CUX2: variants seen among roughly 807,000 people sequenced by gnomAD.
The protein encoded by CUX2 is cut like homeobox 2, also known as homeobox protein cut-like 2.
Under a neutral mutation model 144.8 loss-of-function variants are expected in CUX2, and 40 were observed. The ratio of observed to expected loss-of-function variants is 0.28; its 90% CI spans 0.21 to 0.36. CUX2 has a LOEUF of 0.36. CUX2 is among the 10% of genes least tolerant of loss of function. The pLI is 1.00. For synonymous variants in CUX2, 827 were observed against 875.6 expected (o/e 0.94, Z 0.98); for missense variants, 1,615 against 1,994.0 (o/e 0.81, Z 3.62).
At chr12:111,311,590 C>CTTT (rs1391539963) in intron 15 of CUX2, among the ~76,000 whole-genome samples, 8 of 124,722 alleles carry the variant, frequency 6.4e-5, no homozygotes, top group East Asian at 7.8e-4. Context: ...TACCCTATTT[C>CTTT]TTTATTATTA....
chr12:111,309,854 A>T (rs1886791234), intron 14 of CUX2, among the ~76,000 whole-genome samples, 187 bp from the exon 15 acceptor site: 1 of 132,490 alleles, frequency 7.5e-6, no homozygotes, highest in South Asian at 2.5e-4. Flanking sequence ...TCTTTCTCTC[A>T]CATGTGGTCT....
rs1359871369 is a variant in CUX2, at chr12:111,186,455, G to A, written c.64-27745G>A. 6.6e-6 allele frequency among the ~76,000 whole-genome samples: 1 copy of A among 152,226 alleles called. No homozygotes were observed. The highest frequency in any genetic ancestry group is 1.5e-5 in the Non-Finnish European group (1 of 68,036). ...AGACCCGAAGCATAAACTAGGCGGG[G>A]AACAGGGGAGCGGGAAGGGCACACG... is the stretch of plus-strand genomic sequence containing the variant. On this transcript the variant is annotated intron_variant, in intron 1 of 21. Coordinates refer to ENST00000261726, the MANE Select transcript of CUX2 (RefSeq NM_015267.4). This position sits in a 1 kb window ranked among gnomAD's most constrained non-coding sequence, Gnocchi z 4.4.
At chr12:111,065,137 C>T (rs1360478543) in intron 1 of CUX2, among the ~76,000 whole-genome samples, 1 of 152,172 alleles carries the variant, frequency 6.6e-6, no homozygotes, top group African/African-American at 2.4e-5. Context: ...TTCTATGTGA[C>T]CAGGATTGAC....
chr12:111,295,399 CCTA>C lies in CUX2; in HGVS notation c.629_631del (p.Leu210del). Reference sequence around the variant, plus strand: ...GGGAGGCAGAGGAGAAAATCAAAGTCCTACATTCAGGTATGTGTCGGCACCATG... The same window carrying C: ...GGGAGGCAGAGGAGAAAATCAAAGTCCATTCAGGTATGTGTCGGCACCATG... On this transcript the variant is annotated inframe_deletion, in exon 7 of 22. Transcript: ENST00000261726. This position sits in a 1 kb window ranked among gnomAD's most constrained non-coding sequence, Gnocchi z 5.0. 1 of 1,612,008 alleles carries C rather than the reference CCTA, an allele frequency of 6.2e-7. No individual in the cohort carries two copies. The highest frequency in any genetic ancestry group is 1.1e-5 in the South Asian group (1 of 90,398).
At chr12:111,326,469 GT>G (rs1410793358) in intron 18 of CUX2, among the ~76,000 whole-genome samples, 5 of 149,692 alleles carry the variant, frequency 3.3e-5, no homozygotes, top group Admixed American at 3.3e-4. Context: ...GGTTGGTTTT[GT>G]TTTATAGTGT....
chr12:111,086,924 A>G (rs1198823597), intron 1 of CUX2, among the ~76,000 whole-genome samples: 2 of 152,206 alleles, frequency 1.3e-5, no homozygotes, highest in East Asian at 3.8e-4. Context: ...GATATGTGTA[A>G]AAATCTGAGA....
chr12:111,140,268 C>T (rs934084865), intron 1 of CUX2, among the ~76,000 whole-genome samples: 2 of 152,148 alleles, frequency 1.3e-5, no homozygotes, highest in African/African-American at 2.4e-5. Flanking sequence ...GACTTAATTT[C>T]CCAGGCAGAG....
intron 1 of CUX2, among the ~76,000 whole-genome samples, chr12:111,083,751 C>T (rs1372661052): frequency 6.6e-6 from 1 of 152,026 alleles, no homozygotes; most frequent in African/African-American, 2.4e-5. Flanking sequence ...GCACTGAGAG[C>T]TCCAAGAGGG....
chr12:111,093,759 CTCTATCT>C (rs1566214301), intron 1 of CUX2, among the ~76,000 whole-genome samples: 2 of 152,230 alleles, frequency 1.3e-5, no homozygotes, highest in Admixed American at 1.3e-4. Context: ...CCCTGAAACC[CTCTATCT>C]TCTTTTTCTT....
chr12:111,104,170 C>T (rs1873444932), intron 1 of CUX2, among the ~76,000 whole-genome samples: 1 of 152,114 alleles, frequency 6.6e-6, no homozygotes, highest in Non-Finnish European at 1.5e-5. Flanking sequence ...TTTTTTATGT[C>T]TTCTAATTCC....
chr12:111,320,435 C>T lies in CUX2; in HGVS notation c.2426C>T (p.Ser809Phe). The T allele has an allele frequency of 1.3e-6, 2 of 1,596,480 alleles. No individual in the cohort carries two copies. Among genetic ancestry groups the T allele is most frequent in the Non-Finnish European group, 1.7e-6 (2 of 1,177,970 alleles). The change falls in exon 17 of 22, where the codon TCC (serine) becomes TTC (phenylalanine). Residue 809 changes from serine to phenylalanine, a missense_variant. Ser to Phe is a radical substitution (Grantham distance 155). Coordinates refer to ENST00000261726, the MANE Select transcript of CUX2 (RefSeq NM_015267.4). This position sits in a 1 kb window ranked among gnomAD's most constrained non-coding sequence, Gnocchi z 8.1. ...GCCTCCGTGTCGCCCTCGCTGTCCT[C>T]CTCCTCCTCCTCTGGCTACTCTGGC... ...PYASVSPSLS[S>F]SSSSGYSGQP...
At chr12:111,040,337 CA>C (rs1185239171) in intron 1 of CUX2, among the ~76,000 whole-genome samples, 1 of 151,660 alleles carries the variant, frequency 6.6e-6, no homozygotes, top group Non-Finnish European at 1.5e-5. Flanking sequence ...GATTAAAATT[CA>C]AATTTTTTTT....
chr12:111,065,380 C>A (rs1043617393), intron 1 of CUX2, among the ~76,000 whole-genome samples: 1 of 152,240 alleles, frequency 6.6e-6, no homozygotes, highest in Non-Finnish European at 1.5e-5. Flanking sequence ...GTTGCCCAGG[C>A]TGGAGTGCAG....
intron 3 of CUX2, among the ~76,000 whole-genome samples, chr12:111,223,041 G>T (rs1016952360): frequency 1.3e-5 from 2 of 152,066 alleles, no homozygotes; most frequent in South Asian, 2.1e-4. Flanking sequence ...AAGCATTTTT[G>T]CAGTACCCGG....
chr12:111,300,483 G>A (rs933305), intron 9 of CUX2, among the ~76,000 whole-genome samples: 48,031 of 151,922 alleles, frequency 0.32, 9,883 homozygotes, highest in East Asian at 0.85. Context: ...ACTTTTCCCC[G>A]TCTATATCTT....
intron 1 of CUX2, among the ~76,000 whole-genome samples, chr12:111,076,830 G>A (rs1224997803): frequency 6.6e-6 from 1 of 152,162 alleles, no homozygotes; most frequent in African/African-American, 2.4e-5. Flanking sequence ...TGGAAACTTT[G>A]GCATGGGTAT....
intron 1 of CUX2, chr12:111,099,328 G>C: frequency 2.9e-6 from 1 of 343,268 alleles, no homozygotes; most frequent in Non-Finnish European, 5.7e-6. Context: ...CAAGAGCTGA[G>C]GCTGGAGGCC....
At chr12:111,122,950 A>G (rs1874782735) in intron 1 of CUX2, among the ~76,000 whole-genome samples, 1 of 152,186 alleles carries the variant, frequency 6.6e-6, no homozygotes, top group African/African-American at 2.4e-5. Context: ...TGATATTTAC[A>G]GTTTTTATTT....
At chr12:111,208,542 C>G (rs1203491829) in intron 1 of CUX2, among the ~76,000 whole-genome samples, 1 of 152,194 alleles carries the variant, frequency 6.6e-6, no homozygotes, top group Non-Finnish European at 1.5e-5. Flanking sequence ...CCCACCCTCC[C>G]CTCTGAGAAA....
Sources: allele counts gnomAD v4.1 joint callset (sites outside exome capture counted in the v4.1 genomes callset), GRCh38; gene constraint gnomAD v4.1.1; non-coding constraint Gnocchi (gnomAD v3.1); transcripts MANE v1.5; gene names NCBI Gene and HGNC (gene_info 2026-07-23, HGNC 2026-07-21).